NR1D2: variants seen among roughly 807,000 people sequenced by gnomAD.
The protein encoded by NR1D2 is nuclear receptor subfamily 1 group D member 2.
Under a neutral mutation model 52.2 loss-of-function variants are expected in NR1D2, and 25 were observed. The ratio of observed to expected loss-of-function variants is 0.48; its 90% CI spans 0.35 to 0.67. NR1D2 has a LOEUF of 0.67. NR1D2 is among the 30% of genes least tolerant of loss of function. The pLI is 0.01. For synonymous variants in NR1D2, 259 were observed against 230.1 expected (o/e 1.13, Z -1.14); for missense variants, 681 against 707.2 (o/e 0.96, Z 0.42).
At chr3:23,949,452 A>G (rs369935900) in intron 1 of NR1D2, among the ~76,000 whole-genome samples, 8 of 152,078 alleles carry the variant, frequency 5.3e-5, no homozygotes, top group Admixed American at 2.0e-4. Context: ...ACAGTCTTCA[A>G]TTCCCCACTT....
intron 7 of NR1D2, among the ~76,000 whole-genome samples, chr3:23,971,548 C>T (rs1468957650): frequency 2.6e-5 from 4 of 152,192 alleles, no homozygotes; most frequent in African/African-American, 7.2e-5. Context: ...GGATTATAGG[C>T]GTGAGCCACC....
chr3:23,945,936 G>T (rs567249310), intron 1 of NR1D2, among the ~76,000 whole-genome samples: 1 of 149,778 alleles, frequency 6.7e-6, no homozygotes, highest in South Asian at 2.1e-4. Context: ...ATTACATAAT[G>T]GGCGCTGAGG....
intron 3 of NR1D2, 66 bp from the exon 4 acceptor site, chr3:23,959,605 G>A: frequency 6.7e-7 from 1 of 1,482,606 alleles, no homozygotes; most frequent in South Asian, 1.3e-5. Context: ...AGGTATGGGA[G>A]CAGTGTTTAT....
Position 23,962,250 on chromosome 3 carries a change from C to A in NR1D2, c.791C>A (p.Thr264Asn). The A allele has an allele frequency of 6.2e-7, 1 of 1,614,162 alleles. No homozygotes were observed. The highest frequency in any genetic ancestry group is 8.5e-7 in the Non-Finnish European group (1 of 1,180,032). Residue 264 changes from threonine to asparagine, a missense_variant, in exon 5 of 8, where the codon ACC becomes AAC. Thr to Asn is a moderately conservative substitution (Grantham distance 65). Coordinates refer to ENST00000312521, the MANE Select transcript of NR1D2 (RefSeq NM_005126.5). ...IGMVTRAHKD[T>N]FMYNQEQQEN... is the part of the protein sequence containing the mutation. ...ATGGTGACCAGAGCTCACAAGGATA[C>A]CTTTATGTATAATCAAGAGCAGCAA... is the stretch of plus-strand genomic sequence containing the variant.
chr3:23,950,695 A>G (rs1157740289), intron 1 of NR1D2, among the ~76,000 whole-genome samples: 3 of 152,150 alleles, frequency 2.0e-5, no homozygotes, highest in East Asian at 3.8e-4. Context: ...CCTGGCACAG[A>G]TGCTTGTTTT....
At chr3:23,950,975 G>A (rs1219050635) in intron 1 of NR1D2, among the ~76,000 whole-genome samples, 7 of 143,560 alleles carry the variant, frequency 4.9e-5, no homozygotes, top group Admixed American at 2.2e-4. Context: ...GTGCCATCTC[G>A]GCTCACCGCA....
chr3:23,957,912 A>G (rs1706130101), intron 3 of NR1D2, among the ~76,000 whole-genome samples: 1 of 152,264 alleles, frequency 6.6e-6, no homozygotes, highest in African/African-American at 2.4e-5. Flanking sequence ...ATAATAAAAT[A>G]TAAAAATGTT....
intron 7 of NR1D2, among the ~76,000 whole-genome samples, chr3:23,973,913 T>G (rs1706654154): frequency 6.6e-6 from 1 of 151,928 alleles, no homozygotes; most frequent in Non-Finnish European, 1.5e-5. Context: ...CTACACAGGC[T>G]CATCATCATC....
intron 1 of NR1D2, chr3:23,946,182 C>T (rs932720929): frequency 2.9e-5 from 29 of 985,212 alleles, no homozygotes; most frequent in Non-Finnish European, 3.4e-5. Flanking sequence ...CCGCTGAGCC[C>T]CCGCGGCGGG....
chr3:23,947,908 A>C (rs1705802182), intron 1 of NR1D2, among the ~76,000 whole-genome samples: 1 of 152,122 alleles, frequency 6.6e-6, no homozygotes, highest in African/African-American at 2.4e-5. Context: ...CCCTGAGGTA[A>C]GGAGTTCGAG....
At chr3:23,969,409 G>T (rs1706531245) in intron 7 of NR1D2, among the ~76,000 whole-genome samples, 1 of 152,188 alleles carries the variant, frequency 6.6e-6, no homozygotes, top group South Asian at 2.1e-4. Flanking sequence ...TTTCTGACCA[G>T]CTCTACCTGG....
Position 23,968,073 on chromosome 3 carries a change from C to A in NR1D2, c.1543+50C>A. On this transcript the variant is annotated intron_variant, in intron 7 of 7. Transcript: ENST00000312521. Reference sequence around the variant, plus strand: ...GCCACACCTAGCATATAGTGACCAACTGGGGAGAAGATGGCAGTTAACAGG... The same window carrying A: ...GCCACACCTAGCATATAGTGACCAAATGGGGAGAAGATGGCAGTTAACAGG... The A allele has an allele frequency of 2.1e-6, 3 of 1,446,484 alleles. No homozygotes were observed. In the South Asian group the frequency reaches 3.4e-5, roughly 17 times the overall value. The allele number at this position is 1,446,484 out of a possible 1,614,324, so 89.6% of individuals were successfully genotyped here. A position where few individuals can be genotyped will look rare whatever the true frequency, so the allele number is the denominator to read the frequency against.
chr3:23,960,924 CTG>C (rs1391429063), intron 4 of NR1D2, among the ~76,000 whole-genome samples: 2 of 152,278 alleles, frequency 1.3e-5, no homozygotes, highest in South Asian at 2.1e-4. Context: ...AAATACTAGA[CTG>C]TGAAAGAAGC....
chr3:23,976,004 A>G (rs1014796797), intron 7 of NR1D2, among the ~76,000 whole-genome samples: 7 of 151,498 alleles, frequency 4.6e-5, no homozygotes, highest in Non-Finnish European at 8.8e-5. Context: ...GTTAATTACA[A>G]CCTCCCATGT....
rs1422475411 is a variant in NR1D2 at position 23,962,323 on chromosome 3, C to T, written c.864C>T (p.Pro288=). Residue 288 remains proline (P), a synonymous_variant, in exon 5 of 8, where the codon CCC becomes CCT. Transcript: ENST00000312521. The part of the protein sequence containing the change: ...SMQPQRGERI[P]KNMEQYNLNH... ...AGCCCCAGAGAGGAGAACGGATTCC[C>T]AAGAACATGGAGCAATATAATTTAA... The T allele has an allele frequency of 2.5e-6, 4 of 1,614,162 alleles. No homozygotes were observed. Among genetic ancestry groups the T allele is most frequent in the Non-Finnish European group, 3.4e-6 (4 of 1,180,024 alleles).
At chr3:23,962,626 T>C in intron 5 of NR1D2, 21 bp downstream of exon 5, 1 of 1,558,510 alleles carries the variant, frequency 6.4e-7, no homozygotes, top group Non-Finnish European at 8.7e-7. Flanking sequence ...ATCGATTTTT[T>C]GCTTACATTG....
intron 3 of NR1D2, among the ~76,000 whole-genome samples, chr3:23,958,696 C>T (rs1706151748): frequency 6.7e-6 from 1 of 148,736 alleles, no homozygotes; most frequent in Non-Finnish European, 1.5e-5. Context: ...GCCTGTAATC[C>T]TAGCACTTTG....
rs1706813876 is a variant in NR1D2 at position 23,979,196 on chromosome 3, T to G, written c.*1777T>G. The stretch of plus-strand genomic sequence containing the variant: ...AAAAAAAGTTAAACCCTCTCATTAT[T>G]AAAGAGGAAAGGCGATGGTGATGTC... On this transcript the variant is annotated 3_prime_UTR_variant, in exon 8 of 8. Transcript: ENST00000312521. 6.6e-6 allele frequency: 1 copy of G among 152,128 alleles called. No homozygotes were observed. Among genetic ancestry groups the G allele is most frequent in the South Asian group, 2.1e-4 (1 of 4,834 alleles). 9.4% of individuals were successfully genotyped at this position (152,128 alleles called of 1,614,324 possible).
At position 23,979,464 on chromosome 3, in the gene NR1D2, CAT is replaced by C. The variant is rs1244443023; in HGVS notation, c.*2046_*2047del. On this transcript the variant is annotated 3_prime_UTR_variant, in exon 8 of 8. Coordinates refer to ENST00000312521, the MANE Select transcript of NR1D2 (RefSeq NM_005126.5). ...GCCTTTTGCATAAGCCTCTTTATAA[CAT>C]GTATCTTTAAAACAATTAAGTCTTT... 6.6e-6 allele frequency: 1 copy of C among 151,966 alleles called. No individual in the cohort carries two copies. The highest frequency in any genetic ancestry group is 2.4e-5 in the African/African-American group (1 of 41,410). The allele number at this position is 151,966 out of a possible 1,614,324, so 9.4% of individuals were successfully genotyped here.
Sources: gnomAD v4.1 joint callset for allele counts (sites outside exome capture counted in the v4.1 genomes callset) on GRCh38, gnomAD v4.1.1 for gene constraint, MANE v1.5 for transcripts, NCBI Gene and HGNC (gene_info 2026-07-23, HGNC 2026-07-21) for gene names.